The following LRPPRC variants were observed in gnomAD, a reference collection of about 807,000 sequenced individuals.
LRPPRC encodes the protein leucine rich pentatricopeptide repeat containing.
In LRPPRC, 120 loss-of-function variants were observed where a neutral mutation model predicts 180.3. That is an observed-to-expected ratio of 0.67 (90% CI 0.57 to 0.77). LRPPRC has a LOEUF of 0.77. Among genes scored for constraint, LRPPRC ranks in the 30% least tolerant of loss-of-function variants. The pLI is 0.00. For missense variants in LRPPRC, 2,012 were observed against 1,657.2 expected, an observed-to-expected ratio of 1.21 and a Z score of -3.72; for synonymous variants, 723 against 600.0, an observed-to-expected ratio of 1.21 and a Z score of -3.00.
chr2:43,888,563 C>G lies in LRPPRC; in HGVS notation c.*37G>C, dbSNP rs768156296. Reference sequence around the variant, plus strand: ...TCAAAATAACATGTAGACACAGAATCACAAATATATACAAAACAAAGTATC... The same window carrying G: ...TCAAAATAACATGTAGACACAGAATGACAAATATATACAAAACAAAGTATC... On this transcript the variant is annotated 3_prime_UTR_variant, in exon 38 of 38. Transcript: ENST00000260665. The G allele has an allele frequency of 7.6e-7, 1 of 1,313,072 alleles. No individual in the cohort carries two copies. The highest frequency in any genetic ancestry group is 2.3e-5 in the East Asian group (1 of 43,430). 81.3% of individuals were successfully genotyped at this position (1,313,072 alleles called of 1,614,324 possible).
intron 11 of LRPPRC, among the ~76,000 whole-genome samples, chr2:43,970,442 TG>T (rs1319338867): frequency 6.6e-6 from 1 of 152,196 alleles, no homozygotes; most frequent in African/African-American, 2.4e-5. Context: ...AAGGAAAGAC[TG>T]ATCTATCTGA....
intron 27 of LRPPRC, among the ~76,000 whole-genome samples, chr2:43,919,366 G>A (rs1195617542): frequency 6.6e-6 from 1 of 152,192 alleles, no homozygotes; most frequent in Non-Finnish European, 1.5e-5. Flanking sequence ...ATGATTGCAA[G>A]TGTGTAATTC....
chr2:43,931,322 G>T (rs574773706), intron 25 of LRPPRC, among the ~76,000 whole-genome samples: 13 of 152,262 alleles, frequency 8.5e-5, no homozygotes, highest in Admixed American at 2.0e-4. Flanking sequence ...TGTATCTGCA[G>T]AAGAGACAGA....
chr2:43,988,373 C>A (rs1036912004), intron 1 of LRPPRC, among the ~76,000 whole-genome samples: 27 of 151,878 alleles, frequency 1.8e-4, no homozygotes, highest in African/African-American at 5.8e-4. Context: ...CCCATCTCTA[C>A]TAAAAATACA....
intron 14 of LRPPRC, among the ~76,000 whole-genome samples, chr2:43,952,753 C>T (rs1477477722): frequency 6.6e-6 from 1 of 152,070 alleles, no homozygotes; most frequent in African/African-American, 2.4e-5. Context: ...TTTGGTAAGG[C>T]GATGTAAAAT....
intron 37 of LRPPRC, among the ~76,000 whole-genome samples, chr2:43,889,492 C>A (rs1314217880): frequency 6.6e-6 from 1 of 152,064 alleles, no homozygotes; most frequent in African/African-American, 2.4e-5. Context: ...TTTGGTAAAT[C>A]CATGCCTATA....
chr2:43,939,468 C>T (rs1672398187), intron 23 of LRPPRC, among the ~76,000 whole-genome samples: 1 of 151,858 alleles, frequency 6.6e-6, no homozygotes. Context: ...AAAAGAAGGG[C>T]TGTGGGGGGA....
At chr2:43,978,733 G>T (rs1463342499) in intron 3 of LRPPRC, among the ~76,000 whole-genome samples, 1 of 152,006 alleles carries the variant, frequency 6.6e-6, no homozygotes, top group African/African-American at 2.4e-5. Flanking sequence ...TGTGAAGGAA[G>T]AATCTGTCTT....
rs760713933 is a variant in LRPPRC at position 43,947,714 on chromosome 2, G to C, written c.1965+17C>G. 3 of 1,461,036 alleles carry C rather than the reference G, an allele frequency of 2.1e-6. No homozygotes were observed. The allele number at this position is 1,461,036 out of a possible 1,614,324, so 90.5% of individuals were successfully genotyped here. A position where few individuals can be genotyped will look rare whatever the true frequency, so the allele number is the denominator to read the frequency against. ...TGGGTATTATAGCATGTAGAATCTA[G>C]TCAAAATCCTACTTACTTTTTGAAA... On this transcript the variant is annotated intron_variant, in intron 19 of 37. Coordinates refer to ENST00000260665, the MANE Select transcript of LRPPRC (RefSeq NM_133259.4).
chr2:43,950,661 T>C, intron 14 of LRPPRC, 61 bp from the exon 15 acceptor site: 1 of 1,070,226 alleles, frequency 9.3e-7, no homozygotes, highest in Non-Finnish European at 1.5e-6. Context: ...ATATGCATAC[T>C]TGTAATATGT....
At chr2:43,936,362 C>T (rs987283723) in intron 23 of LRPPRC, among the ~76,000 whole-genome samples, 8 of 152,018 alleles carry the variant, frequency 5.3e-5, no homozygotes, top group East Asian at 3.8e-4. Flanking sequence ...AAGAAATTAA[C>T]GATTTATGAA....
intron 23 of LRPPRC, among the ~76,000 whole-genome samples, chr2:43,940,955 G>A (rs969352788): frequency 9.9e-5 from 15 of 152,144 alleles, no homozygotes; most frequent in African/African-American, 3.4e-4. Flanking sequence ...ACGTGGCTTA[G>A]AGACTGTAAT....
chr2:43,967,796 C>CCTAA (rs1470525264), intron 11 of LRPPRC, among the ~76,000 whole-genome samples: 14 of 152,168 alleles, frequency 9.2e-5, no homozygotes, highest in Admixed American at 5.2e-4. Context: ...CACACAGAAG[C>CCTAA]CTAACAATAC....
intron 34 of LRPPRC, 82 bp downstream of exon 34, chr2:43,899,137 C>G: frequency 1.1e-6 from 1 of 909,676 alleles, no homozygotes; most frequent in Non-Finnish European, 1.8e-6. Context: ...TAGTATTCCA[C>G]CACACGCCTA....
chr2:43,918,813 A>C, intron 27 of LRPPRC, among the ~76,000 whole-genome samples: 1 of 144,894 alleles, frequency 6.9e-6, no homozygotes, highest in South Asian at 2.2e-4. Context: ...ATATATAGAT[A>C]TATATATATC....
At chr2:43,907,794 G>A (rs1671113582) in intron 30 of LRPPRC, among the ~76,000 whole-genome samples, 1 of 152,106 alleles carries the variant, frequency 6.6e-6, no homozygotes, top group Admixed American at 6.5e-5. Flanking sequence ...AACCAAAGAA[G>A]ACAGTATTAT....
At position 43,975,149 on chromosome 2, in the gene LRPPRC, G is replaced by A. The variant is rs1572567944; in HGVS notation, c.806C>T (p.Thr269Ile). 6 of 1,613,378 alleles carry A rather than the reference G, an allele frequency of 3.7e-6. No individual in the cohort carries two copies. Among genetic ancestry groups the A allele is most frequent in the African/African-American group, 2.7e-5 (2 of 75,028 alleles). ...ATATGCATTCAATAATGCGAGGTATGTGTCTGGACCAGGCTCAATTCCGGC... is the reference window on the plus strand; with the variant it reads ...ATATGCATTCAATAATGCGAGGTATATGTCTGGACCAGGCTCAATTCCGGC... ...RDAGIEPGPD[T>I]YLALLNAYAE... Residue 269 changes from threonine (T) to isoleucine (I), a missense_variant, in exon 7 of 38, where the codon ACA (threonine) becomes ATA (isoleucine). Physicochemically the swap from Thr to Ile is moderately conservative, Grantham distance 89. Coordinates refer to ENST00000260665, the MANE Select transcript of LRPPRC (RefSeq NM_133259.4).
At chr2:43,924,251 CTAAG>C (rs1296497392) in intron 27 of LRPPRC, among the ~76,000 whole-genome samples, 1 of 152,140 alleles carries the variant, frequency 6.6e-6, no homozygotes, top group Non-Finnish European at 1.5e-5. Context: ...ACTGGCTGTT[CTAAG>C]TGTTATTCCT....
rs777809590 is a variant in LRPPRC, at chr2:43,905,717, C to A, written c.3339G>T (p.Thr1113=). ...NDAANSRLII[T]QVRRDYLKEA... ...CTTTCAAATAATCCCGCCTAACTTG[C>A]GTTATGATGAGGCGGCTGTTGGCAG... Residue 1113 remains threonine, a synonymous_variant, in exon 31 of 38, where the codon ACG becomes ACT. Transcript: ENST00000260665. The A allele has an allele frequency of 6.2e-7, 1 of 1,613,664 alleles. No individual in the cohort carries two copies.
Sources: gnomAD v4.1 joint callset for allele counts (sites outside exome capture counted in the v4.1 genomes callset) on GRCh38, gnomAD v4.1.1 for gene constraint, MANE v1.5 for transcripts, NCBI Gene and HGNC (gene_info 2026-07-23, HGNC 2026-07-21) for gene names.